Variants in CEP85L observed in about 807,000 individuals in gnomAD.
The protein encoded by CEP85L is centrosomal protein 85L.
A neutral mutation model predicts 100.3 loss-of-function variants in CEP85L; 60 were observed. That is an observed-to-expected ratio of 0.60 (90% CI 0.49 to 0.74). The LOEUF is 0.74. CEP85L is among the 30% of genes least tolerant of loss of function. CEP85L has a pLI of 0.00. For missense variants in CEP85L, 973 were observed against 936.2 expected (o/e 1.04, Z -0.51); for synonymous variants, 319 against 322.7 (o/e 0.99, Z 0.12).
intron 3 of CEP85L, among the ~76,000 whole-genome samples, chr6:118,539,359 A>G (rs374592245): frequency 1.2e-4 from 19 of 152,330 alleles, no homozygotes; most frequent in African/African-American, 4.6e-4. Flanking sequence ...TTTGTAGCTT[A>G]GGAGCAAATA....
At chr6:118,525,522 AG>A (rs1422351805) in intron 3 of CEP85L, among the ~76,000 whole-genome samples, 1 of 152,222 alleles carries the variant, frequency 6.6e-6, no homozygotes, top group Admixed American at 6.5e-5. Flanking sequence ...TACGTACACA[AG>A]GAAGACTATG....
intron 6 of CEP85L, among the ~76,000 whole-genome samples, chr6:118,488,985 T>A (rs1248469208): frequency 6.6e-6 from 1 of 151,934 alleles, no homozygotes; most frequent in Non-Finnish European, 1.5e-5. Flanking sequence ...TGAATGGGAG[T>A]GGCTGGGTGT....
chr6:118,531,232 G>A (rs570666737), intron 3 of CEP85L, among the ~76,000 whole-genome samples: 16 of 151,850 alleles, frequency 1.1e-4, no homozygotes, highest in Admixed American at 2.6e-4. Flanking sequence ...TTTCATCAAC[G>A]TCAACAAAAA....
intron 3 of CEP85L, among the ~76,000 whole-genome samples, chr6:118,551,095 T>C (rs1256593001): frequency 6.6e-6 from 1 of 151,890 alleles, no homozygotes; most frequent in Non-Finnish European, 1.5e-5. Context: ...CAAGTTAACA[T>C]CTCCTCAAAA....
chr6:118,656,641 GATAC>G (rs1019643813), upstream of CEP85L: 3 of 152,006 alleles, frequency 2.0e-5, no homozygotes, highest in African/African-American at 7.3e-5. Flanking sequence ...ATTTTTTATT[GATAC>G]ATAATAGATG....
At chr6:118,653,545 AAC>A (rs757647084), upstream of CEP85L, among the ~76,000 whole-genome samples, 1 of 152,210 alleles carries the variant, frequency 6.6e-6, no homozygotes, top group African/African-American at 2.4e-5. Context: ...AATTTATCAT[AAC>A]ACAAGTTGGA....
chr6:118,589,217 T>A (rs930407615), intron 2 of CEP85L: 4 of 229,208 alleles, frequency 1.7e-5, no homozygotes, highest in African/African-American at 9.3e-5. Context: ...CACCTATGTG[T>A]ATATGAAGAG....
chr6:118,481,974 T>C (rs376673694), intron 7 of CEP85L, 41 bp from the exon 8 acceptor site: 24 of 1,254,572 alleles, frequency 1.9e-5, no homozygotes, highest in Non-Finnish European at 2.5e-5. Context: ...CATGAAATAT[T>C]AAATACGCTT....
At chr6:118,586,663 A>T (rs753256759) in intron 2 of CEP85L, among the ~76,000 whole-genome samples, 2 of 152,214 alleles carry the variant, frequency 1.3e-5, no homozygotes, top group African/African-American at 2.4e-5. Flanking sequence ...GAAATGGAAG[A>T]TCTTAAGCTG....
chr6:118,638,733 T>C (rs1021717349), intron 1 of CEP85L, among the ~76,000 whole-genome samples: 53 of 152,004 alleles, frequency 3.5e-4, no homozygotes, highest in African/African-American at 1.2e-3. Flanking sequence ...TACTAATTTT[T>C]TAATACTAAT....
intron 6 of CEP85L, among the ~76,000 whole-genome samples, chr6:118,489,050 C>G (rs989846667): frequency 6.6e-6 from 1 of 151,930 alleles, no homozygotes; most frequent in Non-Finnish European, 1.5e-5. Context: ...GGTGGATCAC[C>G]TCAGGTCAGG....
At chr6:118,479,298 G>A (rs1026783603) in intron 10 of CEP85L, among the ~76,000 whole-genome samples, 3 of 152,166 alleles carry the variant, frequency 2.0e-5, no homozygotes, top group African/African-American at 7.2e-5. Flanking sequence ...GGGGTATAAA[G>A]CTAAACATTT....
intron 2 of CEP85L, among the ~76,000 whole-genome samples, chr6:118,622,483 T>G (rs2115280793): frequency 6.6e-6 from 1 of 152,312 alleles, no homozygotes; most frequent in East Asian, 1.9e-4. Flanking sequence ...CTGATAGAAG[T>G]TCATTTAGGT....
At chr6:118,707,743 A>C (rs1583278111) in intron 1 of CEP85L, among the ~76,000 whole-genome samples, 1 of 152,194 alleles carries the variant, frequency 6.6e-6, no homozygotes, top group East Asian at 1.9e-4. Flanking sequence ...ATATTTAAAC[A>C]TGTGCAAACT....
chr6:118,542,923 A>AAC (rs1554216838), intron 3 of CEP85L, among the ~76,000 whole-genome samples: 64 of 143,974 alleles, frequency 4.4e-4, no homozygotes, highest in Non-Finnish European at 6.7e-4. Context: ...AAAAAAAAAA[A>AAC]CAGGATATTC....
intron 5 of CEP85L, among the ~76,000 whole-genome samples, chr6:118,503,764 C>T (rs998983637): frequency 6.8e-6 from 1 of 147,484 alleles, no homozygotes; most frequent in African/African-American, 2.5e-5. Context: ...TAGACACAGA[C>T]CTTATATTTT....
chr6:118,579,797 C>G (rs1780461692), intron 2 of CEP85L, among the ~76,000 whole-genome samples: 1 of 152,202 alleles, frequency 6.6e-6, no homozygotes, highest in African/African-American at 2.4e-5. Flanking sequence ...AAGGCAGCTC[C>G]AGATACATTT....
At chr6:118,555,745 C>A (rs1263451029) in intron 3 of CEP85L, among the ~76,000 whole-genome samples, 1 of 152,058 alleles carries the variant, frequency 6.6e-6, no homozygotes, top group African/African-American at 2.4e-5. Context: ...TGTATTACTT[C>A]ATCATCCCGT....
intron 5 of CEP85L, among the ~76,000 whole-genome samples, chr6:118,508,689 A>T (rs1429151177): frequency 1.3e-5 from 2 of 152,100 alleles, no homozygotes; most frequent in Non-Finnish European, 2.9e-5. Flanking sequence ...AAATTCATTT[A>T]AAAATGTTAC....
Sources: gnomAD v4.1 joint callset for allele counts (sites outside exome capture counted in the v4.1 genomes callset) on GRCh38, gnomAD v4.1.1 for gene constraint, MANE v1.5 for transcripts, NCBI Gene and HGNC (gene_info 2026-07-23, HGNC 2026-07-21) for gene names.